Variants in MAGI1 observed in about 807,000 individuals in gnomAD.
MAGI1 encodes the protein membrane associated guanylate kinase, WW and PDZ domain containing 1.
In MAGI1, 58 loss-of-function variants were observed where a neutral mutation model predicts 139.9. The ratio of observed to expected loss-of-function variants is 0.41; its 90% CI spans 0.34 to 0.52. MAGI1 has a LOEUF of 0.52. Among genes scored for constraint, MAGI1 ranks in the 20% least tolerant of loss-of-function variants. The probability of loss-of-function intolerance (pLI) is 0.12; values close to 1 mark genes in which losing one functional copy is unlikely to be tolerated. For missense variants in MAGI1, 1,874 were observed against 1,901.6 expected (o/e 0.99, Z 0.27); for synonymous variants, 812 against 737.9 (o/e 1.10, Z -1.63).
intron 1 of MAGI1, among the ~76,000 whole-genome samples, chr3:65,872,611 T>G (rs1267996240): frequency 6.6e-6 from 1 of 152,132 alleles, no homozygotes; most frequent in Non-Finnish European, 1.5e-5. Context: ...ACCAAAACAC[T>G]CAGACAATAA....
intron 1 of MAGI1, among the ~76,000 whole-genome samples, chr3:65,860,905 T>C (rs1248222919): frequency 6.6e-6 from 1 of 152,100 alleles, no homozygotes; most frequent in Non-Finnish European, 1.5e-5. Flanking sequence ...AGAATTCGAA[T>C]TCAAATTCAA....
intron 1 of MAGI1, among the ~76,000 whole-genome samples, chr3:66,000,759 G>A (rs1228552983): frequency 6.6e-6 from 1 of 152,226 alleles, no homozygotes; most frequent in Non-Finnish European, 1.5e-5. Context: ...CCATGGCAGG[G>A]CAACATCCTG....
At chr3:65,903,670 A>G (rs1373370462) in intron 1 of MAGI1, among the ~76,000 whole-genome samples, 1 of 152,106 alleles carries the variant, frequency 6.6e-6, no homozygotes, top group Non-Finnish European at 1.5e-5. Flanking sequence ...GATTTACTCA[A>G]ACTTCCTAAG....
intron 14 of MAGI1, among the ~76,000 whole-genome samples, chr3:65,384,552 T>C (rs919338555): frequency 7.2e-5 from 11 of 152,110 alleles, no homozygotes; most frequent in South Asian, 4.2e-4. Context: ...CTGGGCAACA[T>C]AGTGAGACCT....
At chr3:65,811,173 C>A (rs2041205741) in intron 1 of MAGI1, among the ~76,000 whole-genome samples, 1 of 152,156 alleles carries the variant, frequency 6.6e-6, no homozygotes, top group African/African-American at 2.4e-5. Flanking sequence ...CTACAGGCAA[C>A]TTCATAGGAT....
At chr3:65,977,530 G>C (rs2065327211) in intron 1 of MAGI1, among the ~76,000 whole-genome samples, 1 of 152,058 alleles carries the variant, frequency 6.6e-6, no homozygotes, top group Non-Finnish European at 1.5e-5. Context: ...GGCCAACATA[G>C]TGAAACCTCG....
chr3:65,590,953 G>T (rs148152796), intron 2 of MAGI1, among the ~76,000 whole-genome samples: 34 of 152,294 alleles, frequency 2.2e-4, no homozygotes, highest in Non-Finnish European at 4.1e-4. Context: ...GGAACAATTT[G>T]GGAGTTTTTC....
At chr3:65,867,267 G>A (rs1295409717) in intron 1 of MAGI1, among the ~76,000 whole-genome samples, 1 of 152,146 alleles carries the variant, frequency 6.6e-6, no homozygotes, top group Admixed American at 6.5e-5. Context: ...ACTACCTGAG[G>A]GCCAGGGGGT....
intron 2 of MAGI1, 32 bp downstream of exon 2, chr3:65,621,940 C>CAT (rs1434800362): frequency 1.4e-6 from 2 of 1,453,788 alleles, no homozygotes; most frequent in Non-Finnish European, 1.9e-6. Flanking sequence ...CACACACACA[C>CAT]AGCAGTGAGA....
intron 2 of MAGI1, among the ~76,000 whole-genome samples, chr3:65,580,607 G>T (rs1178048881): frequency 1.3e-5 from 2 of 152,120 alleles, no homozygotes; most frequent in African/African-American, 2.4e-5. Context: ...ACTGAACTTT[G>T]TGGTATTTTC....
chr3:65,772,819 G>A (rs909700202), intron 1 of MAGI1, among the ~76,000 whole-genome samples: 3 of 152,238 alleles, frequency 2.0e-5, no homozygotes, highest in Non-Finnish European at 2.9e-5. Context: ...ACAGGCTGAT[G>A]AGAATTTCTT....
intron 1 of MAGI1, chr3:65,688,275 T>C (rs1576737316): frequency 1.2e-6 from 1 of 843,996 alleles, no homozygotes; most frequent in East Asian, 3.4e-5. Context: ...ACATGGTGGC[T>C]TTAGGAAGAT....
intron 1 of MAGI1, among the ~76,000 whole-genome samples, chr3:65,679,256 G>C (rs889844906): frequency 2.0e-5 from 3 of 152,166 alleles, no homozygotes. Flanking sequence ...CAGTGAGACA[G>C]GTCTTAAAAT....
At chr3:65,654,526 T>A (rs1026022996) in intron 1 of MAGI1, among the ~76,000 whole-genome samples, 6 of 152,188 alleles carry the variant, frequency 3.9e-5, no homozygotes, top group Non-Finnish European at 7.4e-5. Context: ...CACTTTCAAA[T>A]AGAAGATTCC....
chr3:65,943,591 T>C (rs2063416454), intron 1 of MAGI1, among the ~76,000 whole-genome samples: 2 of 151,744 alleles, frequency 1.3e-5, no homozygotes, highest in African/African-American at 2.4e-5. Context: ...AAAAAACTTC[T>C]CAGGAAACAA....
intron 1 of MAGI1, among the ~76,000 whole-genome samples, chr3:65,921,666 C>T (rs1204845645): frequency 2.0e-5 from 3 of 152,116 alleles, no homozygotes; most frequent in African/African-American, 2.4e-5. Context: ...CCAATCAATA[C>T]AGAAGCTCTT....
chr3:65,477,712 T>TA (rs1559590949), intron 4 of MAGI1, among the ~76,000 whole-genome samples: 4 of 88,660 alleles, frequency 4.5e-5, no homozygotes, highest in Non-Finnish European at 5.1e-5. Flanking sequence ...ATTATTATTA[T>TA]TTTTTTTTTT....
At chr3:65,780,298 A>G (rs264113) in intron 1 of MAGI1, among the ~76,000 whole-genome samples, 59,535 of 152,106 alleles carry the variant, frequency 0.39, 12,813 homozygotes, top group South Asian at 0.5. Context: ...TGCTGGGATT[A>G]CAGGAGTGAC....
intron 1 of MAGI1, among the ~76,000 whole-genome samples, chr3:65,846,963 T>C (rs977730740): frequency 1.2e-5 from 1 of 82,078 alleles, no homozygotes; most frequent in Non-Finnish European, 2.1e-5. Flanking sequence ...TTACAAAGAA[T>C]AGCAATGTCT....
Sources: gnomAD v4.1 joint callset for allele counts (sites outside exome capture counted in the v4.1 genomes callset) on GRCh38, gnomAD v4.1.1 for gene constraint, MANE v1.5 for transcripts, NCBI Gene and HGNC (gene_info 2026-07-23, HGNC 2026-07-21) for gene names.